Variants in LRFN5 observed in about 807,000 individuals in gnomAD.
LRFN5 encodes the protein leucine-rich repeat and fibronectin type-III domain-containing protein 5.
A neutral mutation model predicts 45.6 loss-of-function variants in LRFN5; 24 were observed. The observed-to-expected ratio is 0.53, with a 90% CI of 0.38 to 0.74. LRFN5 has a LOEUF of 0.74. Among genes scored for constraint, LRFN5 ranks in the 30% least tolerant of loss-of-function variants. The pLI is 0.00. For missense variants in LRFN5, 776 were observed against 861.5 expected (o/e 0.90, Z 1.24); for synonymous variants, 340 against 313.8 (o/e 1.08, Z -0.88).
At chr14:41,770,047 A>T (rs146907844) in intron 2 of LRFN5, among the ~76,000 whole-genome samples, 1 of 151,982 alleles carries the variant, frequency 6.6e-6, no homozygotes, top group East Asian at 1.9e-4. Context: ...GCAAAGGGGG[A>T]GCAGGCACAT....
At chr14:41,819,205 A>G (rs1166010473) in intron 2 of LRFN5, among the ~76,000 whole-genome samples, 1 of 152,154 alleles carries the variant, frequency 6.6e-6, no homozygotes, top group Non-Finnish European at 1.5e-5. Context: ...TGCAGGTGTC[A>G]CTTTTATATG....
chr14:41,645,168 G>A (rs1474177014), intron 1 of LRFN5, among the ~76,000 whole-genome samples: 51 of 152,320 alleles, frequency 3.3e-4, no homozygotes, highest in Non-Finnish European at 7.3e-5. Flanking sequence ...AAGAGATGAT[G>A]CATGTAAAGT....
chr14:41,839,915 C>A lies in LRFN5; in HGVS notation c.-20-46691C>A, dbSNP rs183063700. ...GGGAACAGCCAAAGAATCACCAAAT[C>A]AAGACAGGCATGCTGTTTGTACTAT... On this transcript the variant is annotated intron_variant, in intron 2 of 5. Coordinates refer to ENST00000298119, the MANE Select transcript of LRFN5 (RefSeq NM_152447.5). 4.0e-3 allele frequency among the ~76,000 whole-genome samples: 614 copies of A among 152,196 alleles called. 5 individuals carry two copies. The highest frequency in any genetic ancestry group is 0.014 in the African/African-American group (585 of 41,560).
At chr14:41,757,485 G>A (rs555283328) in intron 1 of LRFN5, among the ~76,000 whole-genome samples, 168 of 152,310 alleles carry the variant, frequency 1.1e-3, no homozygotes, top group African/African-American at 3.7e-3. Flanking sequence ...CCTCGCTGCC[G>A]CCTTGCAGTT....
intron 2 of LRFN5, among the ~76,000 whole-genome samples, chr14:41,864,114 A>C (rs1387378611): frequency 1.3e-5 from 2 of 152,158 alleles, no homozygotes; most frequent in African/African-American, 2.4e-5. Flanking sequence ...GCTATTGTGA[A>C]TAGTGCTACA....
chr14:41,780,847 A>G (rs534856367), intron 2 of LRFN5, among the ~76,000 whole-genome samples: 26 of 152,182 alleles, frequency 1.7e-4, no homozygotes, highest in African/African-American at 5.5e-4. Context: ...AAAAATTTAT[A>G]GTACGGTTGC....
At chr14:41,898,743 A>G (rs762120047) in intron 4 of LRFN5, among the ~76,000 whole-genome samples, 174 bp from the exon 5 acceptor site, 3 of 152,048 alleles carry the variant, frequency 2.0e-5, no homozygotes, top group African/African-American at 4.8e-5. Flanking sequence ...CTGAAATATT[A>G]TAAAAGTCAA....
At chr14:41,617,960 T>G (rs755142812) in intron 1 of LRFN5, among the ~76,000 whole-genome samples, 4 of 152,158 alleles carry the variant, frequency 2.6e-5, no homozygotes, top group Non-Finnish European at 5.9e-5. Context: ...TCACCTCTTC[T>G]TTTGCTGTGC....
At chr14:41,896,746 T>C (rs1890952598) in intron 4 of LRFN5, among the ~76,000 whole-genome samples, 1 of 152,134 alleles carries the variant, frequency 6.6e-6, no homozygotes, top group South Asian at 2.1e-4. Context: ...TTTATTATTA[T>C]GTTTTTCCAC....
intron 1 of LRFN5, among the ~76,000 whole-genome samples, chr14:41,644,736 T>C (rs1314102429): frequency 6.6e-6 from 1 of 152,204 alleles, no homozygotes; most frequent in Non-Finnish European, 1.5e-5. Flanking sequence ...GTCCTCCAAC[T>C]TTCAGTCGCT....
At chr14:41,863,635 A>G (rs1210656055) in intron 2 of LRFN5, among the ~76,000 whole-genome samples, 4 of 152,232 alleles carry the variant, frequency 2.6e-5, no homozygotes, top group Non-Finnish European at 4.4e-5. Flanking sequence ...ATTATTCTGA[A>G]TAAATACAAT....
chr14:41,703,193 T>G (rs1412966088), intron 1 of LRFN5, among the ~76,000 whole-genome samples: 4 of 152,208 alleles, frequency 2.6e-5, no homozygotes, highest in Non-Finnish European at 5.9e-5. Context: ...TTAATTTAAT[T>G]CTTCAGTTAA....
intron 2 of LRFN5, among the ~76,000 whole-genome samples, chr14:41,803,158 T>C (rs1434269302): frequency 6.6e-6 from 1 of 152,170 alleles, no homozygotes; most frequent in Non-Finnish European, 1.5e-5. Context: ...AGTTAATAAA[T>C]CATAGCAGGT....
At chr14:41,614,177 A>G (rs1222567956) in intron 1 of LRFN5, among the ~76,000 whole-genome samples, 2 of 151,980 alleles carry the variant, frequency 1.3e-5, no homozygotes, top group Admixed American at 6.6e-5. Flanking sequence ...ACTTGTTTTT[A>G]TTAGTGTTTA....
At chr14:41,853,827 C>A (rs914895583) in intron 2 of LRFN5, among the ~76,000 whole-genome samples, 1 of 152,004 alleles carries the variant, frequency 6.6e-6, no homozygotes, top group Middle Eastern at 3.2e-3. Flanking sequence ...TGTTTAGATA[C>A]CAGCTAGAGG....
At chr14:41,892,093 G>A (rs1890806755) in intron 4 of LRFN5, 131 bp downstream of exon 4, 13 of 1,451,062 alleles carry the variant, frequency 9.0e-6, no homozygotes, top group Non-Finnish European at 1.1e-5. Context: ...AAAGAAGCAT[G>A]TCTATGAATG....
chr14:41,630,522 TC>T (rs1888496682), intron 1 of LRFN5, among the ~76,000 whole-genome samples: 1 of 152,140 alleles, frequency 6.6e-6, no homozygotes, highest in South Asian at 2.1e-4. Context: ...GCTTAGAACT[TC>T]TAATTCCATG....
At chr14:41,791,378 T>C (rs559990828) in intron 2 of LRFN5, among the ~76,000 whole-genome samples, 34 of 152,044 alleles carry the variant, frequency 2.2e-4, no homozygotes, top group Non-Finnish European at 4.0e-4. Flanking sequence ...TATAGTTATC[T>C]ACCTGTCTCC....
intron 2 of LRFN5, among the ~76,000 whole-genome samples, chr14:41,845,504 AT>A (rs1422606433): frequency 6.6e-6 from 1 of 151,930 alleles, no homozygotes; most frequent in Non-Finnish European, 1.5e-5. Context: ...AAGTTTGTAA[AT>A]TTTTTTCTTT....
Sources: gnomAD v4.1 joint callset for allele counts (sites outside exome capture counted in the v4.1 genomes callset) on GRCh38, gnomAD v4.1.1 for gene constraint, MANE v1.5 for transcripts, NCBI Gene and HGNC (gene_info 2026-07-23, HGNC 2026-07-21) for gene names.